The following COL24A1 variants were observed in gnomAD, a reference collection of about 807,000 sequenced individuals.
The protein encoded by COL24A1 is collagen alpha-1(XXIV) chain.
In COL24A1, 224 loss-of-function variants were observed where a neutral mutation model predicts 253.9. The observed-to-expected ratio is 0.88, with a 90% confidence interval of 0.79 to 0.99. The LOEUF is 0.99. Among genes scored for constraint, COL24A1 ranks in the 50% least tolerant of loss-of-function variants. The probability of loss-of-function intolerance (pLI) is 0.00; values close to 1 mark genes in which losing one functional copy is unlikely to be tolerated. For synonymous variants in COL24A1, 685 were observed against 673.7 expected (o/e 1.02, Z -0.26); for missense variants, 2,131 against 2,068.5 (o/e 1.03, Z -0.59).
chr1:86,068,177 C>T (rs1481720240), intron 7 of COL24A1, among the ~76,000 whole-genome samples: 1 of 152,192 alleles, frequency 6.6e-6, no homozygotes, highest in Non-Finnish European at 1.5e-5. Flanking sequence ...AAACCACAGT[C>T]ACAAGAAGCA....
Position 86,130,498 on chromosome 1 carries a change from G to T in COL24A1, c.122-4284C>A, listed in dbSNP as rs933557817. Among the ~76,000 whole-genome samples, 4 of 151,540 alleles carry T rather than the reference G, an allele frequency of 2.6e-5. No individual in the cohort carries two copies. In the East Asian group the frequency reaches 7.7e-4, roughly 29 times the overall value. ...GAAGGGTTTGTATTTTTATTCTAAG[G>T]GTTTCCTTTAAAATTTTAAATGTAT... is the stretch of plus-strand genomic sequence containing the variant. On this transcript the variant is annotated intron_variant, in intron 2 of 59. Coordinates refer to ENST00000370571, the MANE Select transcript of COL24A1 (RefSeq NM_152890.7).
At chr1:85,887,180 C>T (rs990710824) in intron 32 of COL24A1, among the ~76,000 whole-genome samples, 2 of 151,936 alleles carry the variant, frequency 1.3e-5, no homozygotes, top group African/African-American at 2.4e-5. Flanking sequence ...TACAGCATTC[C>T]CCTTGTTCCC....
rs145220040 is a variant in COL24A1 at position 86,053,995 on chromosome 1, T to G, written c.1852-3818A>C. On this transcript the variant is annotated intron_variant, in intron 10 of 59. Coordinates refer to ENST00000370571, the MANE Select transcript of COL24A1 (RefSeq NM_152890.7). ...ATCTATACTTGATAAAGCTGCACCCTACTACCCACTGATCTTCGACAAAGT... is the reference window on the plus strand; with the variant it reads ...ATCTATACTTGATAAAGCTGCACCCGACTACCCACTGATCTTCGACAAAGT... Among the ~76,000 whole-genome samples, 428 of 152,238 alleles carry G rather than the reference T, an allele frequency of 2.8e-3. 1 individual carries two copies. The highest frequency in any genetic ancestry group is 4.9e-3 in the Non-Finnish European group (335 of 67,974).
At chr1:85,992,797 G>A (rs1694415947) in intron 19 of COL24A1, among the ~76,000 whole-genome samples, 1 of 152,126 alleles carries the variant, frequency 6.6e-6, no homozygotes, top group Non-Finnish European at 1.5e-5. Context: ...CCTCAGTTAA[G>A]TCATCCTATC....
At chr1:86,009,251 C>T (rs1409940729) in intron 19 of COL24A1, among the ~76,000 whole-genome samples, 1 of 152,110 alleles carries the variant, frequency 6.6e-6, no homozygotes, top group Non-Finnish European at 1.5e-5. Context: ...AGGACTTGTG[C>T]ATGAACAGAC....
chr1:86,094,222 A>G (rs1375222650), intron 5 of COL24A1, among the ~76,000 whole-genome samples: 1 of 152,180 alleles, frequency 6.6e-6, no homozygotes, highest in Non-Finnish European at 1.5e-5. Flanking sequence ...CACAATAGAA[A>G]TGACATGAAA....
chr1:86,028,992 A>G (rs17128758), intron 14 of COL24A1, among the ~76,000 whole-genome samples: 8,804 of 152,234 alleles, frequency 0.058, 567 homozygotes, highest in African/African-American at 0.16. Context: ...CTTAATCTTG[A>G]CAGTAACAAC....
chr1:86,130,459 C>T (rs765585835), intron 2 of COL24A1, among the ~76,000 whole-genome samples: 1 of 151,432 alleles, frequency 6.6e-6, no homozygotes, highest in Non-Finnish European at 1.5e-5. Context: ...TTTGTGTATG[C>T]CTTTTGAGAT....
rs2102255085 is a variant in COL24A1 at position 85,842,134 on chromosome 1, A to G, written c.3517-13T>C. On this transcript the variant is annotated splice_polypyrimidine_tract_variant and intron_variant, in intron 40 of 59. Coordinates refer to ENST00000370571, the MANE Select transcript of COL24A1 (RefSeq NM_152890.7). ...GGCCCTGATGGCCCTACGAAAGGAC[A>G]AGTAGACATTTATACATGCTCTACC... is the stretch of plus-strand genomic sequence containing the variant. 3 of 1,612,446 alleles carry G rather than the reference A, an allele frequency of 1.9e-6. 1 individual carries two copies. In the South Asian group the frequency reaches 3.3e-5, roughly 18 times the overall value.
chr1:85,911,398 A>C lies in COL24A1; in HGVS notation c.2598T>G (p.Thr866=). 6.2e-7 allele frequency: 1 copy of C among 1,612,394 alleles called. No individual in the cohort carries two copies. The highest frequency in any genetic ancestry group is 8.5e-7 in the Non-Finnish European group (1 of 1,179,102). Residue 866 remains threonine, a synonymous_variant, in exon 25 of 60, where the codon ACT becomes ACG. Transcript: ENST00000370571. ...AAATTACCTTTTCGCCAATGCTTCC[A>C]GTCATCCCAACTTCTCCAGGTAAGC... ...PVGLPGEVGM[T]GSIGEKGERG...
chr1:85,977,212 A>G (rs1692776361), intron 20 of COL24A1, among the ~76,000 whole-genome samples: 2 of 152,192 alleles, frequency 1.3e-5, no homozygotes, highest in African/African-American at 4.8e-5. Context: ...GGACAAATTA[A>G]TCTGAACAGC....
chr1:85,911,414 C>T lies in COL24A1; in HGVS notation c.2582G>A (p.Gly861Glu). The part of the protein sequence containing the change: ...IGETGPVGLP[G>E]EVGMTGSIGE... ...AATGCTTCCAGTCATCCCAACTTCT[C>T]CAGGTAAGCCAACAGGTCCCTTTTA... Residue 861 changes from glycine to glutamate, a missense_variant, in exon 25 of 60, where the codon GGA becomes GAA. Coordinates refer to ENST00000370571, the MANE Select transcript of COL24A1 (RefSeq NM_152890.7). The T allele has an allele frequency of 6.2e-7, 1 of 1,612,362 alleles. No homozygotes were observed. Among genetic ancestry groups the T allele is most frequent in the Non-Finnish European group, 8.5e-7 (1 of 1,179,028 alleles).
intron 55 of COL24A1, among the ~76,000 whole-genome samples, chr1:85,756,209 C>T (rs1666242918): frequency 6.6e-6 from 1 of 152,026 alleles, no homozygotes; most frequent in Non-Finnish European, 1.5e-5. Context: ...CACTTGAGGT[C>T]AGGAGTTCGA....
intron 37 of COL24A1, among the ~76,000 whole-genome samples, chr1:85,855,425 C>T (rs1010898357): frequency 1.1e-4 from 16 of 151,902 alleles, no homozygotes; most frequent in East Asian, 9.6e-4. Flanking sequence ...CATTGAGGCA[C>T]GTTGAATTTT....
At chr1:86,077,987 A>AAAAAATT (rs1297733765) in intron 7 of COL24A1, among the ~76,000 whole-genome samples, 1 of 152,156 alleles carries the variant, frequency 6.6e-6, no homozygotes, top group Non-Finnish European at 1.5e-5. Flanking sequence ...TATAATTTTA[A>AAAAAATT]AAAAATTAAA....
chr1:85,913,033 G>T (rs1159019128), intron 24 of COL24A1, among the ~76,000 whole-genome samples: 1 of 152,038 alleles, frequency 6.6e-6, no homozygotes, highest in Non-Finnish European at 1.5e-5. Context: ...GACTTGCATT[G>T]TATGTCTATT....
chr1:86,110,573 A>C (rs1364000102), intron 5 of COL24A1, among the ~76,000 whole-genome samples: 1 of 151,872 alleles, frequency 6.6e-6, no homozygotes, highest in Non-Finnish European at 1.5e-5. Context: ...AGGCGCAGGC[A>C]GGAACTGGGG....
chr1:85,857,617 T>A (rs1263916286), intron 37 of COL24A1, among the ~76,000 whole-genome samples: 1 of 152,040 alleles, frequency 6.6e-6, no homozygotes, highest in Non-Finnish European at 1.5e-5. Flanking sequence ...GGCATCCTCA[T>A]CCTTGCAATC....
intron 32 of COL24A1, among the ~76,000 whole-genome samples, chr1:85,882,154 G>C (rs911089250): frequency 6.6e-6 from 1 of 152,132 alleles, no homozygotes; most frequent in African/African-American, 2.4e-5. Context: ...TGTGGTGTGA[G>C]AGCAAACATT....
Sources: gnomAD v4.1 joint callset for allele counts (sites outside exome capture counted in the v4.1 genomes callset) on GRCh38, gnomAD v4.1.1 for gene constraint, MANE v1.5 for transcripts, NCBI Gene and HGNC (gene_info 2026-07-23, HGNC 2026-07-21) for gene names.